Variants in NEBL observed in about 807,000 individuals in gnomAD.
The protein encoded by NEBL is nebulette.
A neutral mutation model predicts 140.2 loss-of-function variants in NEBL; 122 were observed. That is an observed-to-expected ratio of 0.87 (90% CI 0.75 to 1.01). NEBL has a LOEUF of 1.01. Ranked by LOEUF, NEBL falls within the 50% of genes least tolerant of loss-of-function variation. The probability of loss-of-function intolerance (pLI) is 0.00; values close to 1 mark genes in which losing one functional copy is unlikely to be tolerated. For missense variants in NEBL, 1,365 were observed against 1,231.3 expected, an observed-to-expected ratio of 1.11 and a Z score of -1.62; for synonymous variants, 436 against 398.9, an observed-to-expected ratio of 1.09 and a Z score of -1.11.
In NEBL at chr10:21,076,837, A is replaced by C. The variant is rs557071863; in HGVS notation, c.165-56636T>G. Among the ~76,000 whole-genome samples the C allele has an allele frequency of 3.9e-5, 6 of 152,328 alleles. No homozygotes were observed. In the East Asian group the frequency reaches 1.2e-3, roughly 29 times the overall value. On this transcript the variant is annotated intron_variant, in intron 2 of 6. Transcript: ENST00000417816. ...ATTCATAGAGACAGAAACTAGGCAA[A>C]GGACTTGAATGGATATTTCTCCAAA...
chr10:21,282,748 A>T (rs1168567593), intron 1 of NEBL, among the ~76,000 whole-genome samples: 1 of 152,172 alleles, frequency 6.6e-6, no homozygotes, highest in Non-Finnish European at 1.5e-5. Flanking sequence ...CTGCATTCCC[A>T]GACAGTTAAG....
At chr10:21,225,748 T>G (rs534793549) in intron 3 of NEBL, among the ~76,000 whole-genome samples, 1 of 152,144 alleles carries the variant, frequency 6.6e-6, no homozygotes, top group African/African-American at 2.4e-5. Flanking sequence ...TTGTGGTGAA[T>G]GCTGTAAGGC....
intron 2 of NEBL, among the ~76,000 whole-genome samples, chr10:21,044,134 C>T (rs1334191678): frequency 3.9e-5 from 6 of 152,124 alleles, no homozygotes; most frequent in South Asian, 2.1e-4. Context: ...CGATGGCTCA[C>T]GCCTGTAATC....
chr10:21,079,868 C>T (rs1313599604), intron 2 of NEBL, among the ~76,000 whole-genome samples: 1 of 152,162 alleles, frequency 6.6e-6, no homozygotes, highest in Non-Finnish European at 1.5e-5. Flanking sequence ...CCACCTCTGT[C>T]CTACATTGAA....
chr10:21,040,561 C>A (rs569710201), intron 2 of NEBL, among the ~76,000 whole-genome samples: 2 of 152,084 alleles, frequency 1.3e-5, no homozygotes, highest in African/African-American at 4.8e-5. Context: ...ACTAACAGAG[C>A]GAGAACTCAC....
At chr10:20,873,865 G>A (rs1845222118) in intron 5 of NEBL, among the ~76,000 whole-genome samples, 1 of 152,094 alleles carries the variant, frequency 6.6e-6, no homozygotes, top group Non-Finnish European at 1.5e-5. Flanking sequence ...CTTTTCCTAT[G>A]AGAAGGTGGT....
intron 14 of NEBL, among the ~76,000 whole-genome samples, chr10:20,833,896 C>G (rs935476298): frequency 2.0e-5 from 3 of 152,128 alleles, no homozygotes; most frequent in African/African-American, 7.2e-5. Flanking sequence ...ATTTAGACCA[C>G]CACTATGGGG....
Position 21,193,378 on chromosome 10 carries a change from A to T in NEBL, n.349-20901T>A, listed in dbSNP as rs550591095. On this transcript the variant is annotated intron_variant and non_coding_transcript_variant, in intron 3 of 8. Transcript: ENST00000675702. ...AGCCAAAAGCCTGAAATGGTCGGAA[A>T]CCAGCAGGGGTGCAGGAGTGATGAG... Among the ~76,000 whole-genome samples the T allele has an allele frequency of 2.0e-5, 3 of 152,306 alleles. No individual in the cohort carries two copies. In the South Asian group the frequency reaches 6.2e-4, roughly 32 times the overall value.
chr10:21,252,750 G>T (rs779022381), intron 1 of NEBL, among the ~76,000 whole-genome samples: 1 of 152,208 alleles, frequency 6.6e-6, no homozygotes, highest in African/African-American at 2.4e-5. Flanking sequence ...GAGGTCAGGA[G>T]TTCAAGACCA....
chr10:20,923,345 G>A (rs4748736), intron 4 of NEBL, among the ~76,000 whole-genome samples: 112,676 of 151,786 alleles, frequency 0.74, 42,031 homozygotes, highest in Admixed American at 0.83. Context: ...GGGATCATAG[G>A]CATGAAACAC....
At chr10:20,803,698 A>G (rs905168961) in intron 26 of NEBL, among the ~76,000 whole-genome samples, 1 of 151,720 alleles carries the variant, frequency 6.6e-6, no homozygotes, top group Non-Finnish European at 1.5e-5. Flanking sequence ...TCCACTTTTT[A>G]TAGAGTCAAT....
intron 2 of NEBL, among the ~76,000 whole-genome samples, chr10:21,055,559 A>G (rs1834981604): frequency 6.6e-6 from 1 of 152,110 alleles, no homozygotes; most frequent in South Asian, 2.1e-4. Flanking sequence ...TCCTGGCTCT[A>G]TCACCCACCA....
In NEBL at chr10:20,828,651, T is replaced by C; in HGVS notation, c.1672-17A>G. 2.0e-6 allele frequency: 3 copies of C among 1,479,832 alleles called. No homozygotes were observed. The highest frequency in any genetic ancestry group is 2.8e-6 in the Non-Finnish European group (3 of 1,061,590). 91.7% of individuals were successfully genotyped at this position (1,479,832 alleles called of 1,614,324 possible). ...ATACTTTCTCTAAAAACATAAACAG[T>C]TAATATAAATCTGAAACTATGTGTG... On this transcript the variant is annotated splice_polypyrimidine_tract_variant and intron_variant, in intron 16 of 27. Transcript: ENST00000377122.
intron 9 of NEBL, 74 bp downstream of exon 9, chr10:20,858,161 TGAGCA>T: frequency 9.1e-7 from 1 of 1,102,912 alleles, no homozygotes; most frequent in Non-Finnish European, 1.4e-6. Flanking sequence ...AGGAAGCAGG[TGAGCA>T]CATGAACGCT....
At chr10:20,895,664 T>C (rs1176281024) in intron 2 of NEBL, among the ~76,000 whole-genome samples, 3 of 152,212 alleles carry the variant, frequency 2.0e-5, no homozygotes, top group African/African-American at 4.8e-5. Context: ...TATTAAGTAA[T>C]AGCACAAAGA....
chr10:21,285,160 G>A (rs1286986919), intron 1 of NEBL, among the ~76,000 whole-genome samples: 8 of 152,136 alleles, frequency 5.3e-5, no homozygotes, highest in Admixed American at 4.6e-4. Context: ...TCTGTTTTTC[G>A]AAGGACAGAT....
chr10:21,120,419 T>TATATATATATATAA (rs1838504038), intron 2 of NEBL, among the ~76,000 whole-genome samples: 1 of 130,038 alleles, frequency 7.7e-6, no homozygotes, highest in African/African-American at 3.1e-5. Flanking sequence ...TATATATATA[T>TATATATATATATAA]ATATAAATTT....
intron 2 of NEBL, among the ~76,000 whole-genome samples, chr10:21,153,619 C>T (rs985046912): frequency 1.3e-5 from 2 of 152,094 alleles, no homozygotes; most frequent in Non-Finnish European, 2.9e-5. Context: ...ACCTCCACCC[C>T]GAGGGTTCAA....
intron 4 of NEBL, among the ~76,000 whole-genome samples, chr10:20,921,408 T>C (rs1022900282): frequency 6.6e-6 from 1 of 152,138 alleles, no homozygotes; most frequent in African/African-American, 2.4e-5. Context: ...GTTTGGCCAA[T>C]GGAGGCAGGA....
Sources: gnomAD v4.1 joint callset for allele counts (sites outside exome capture counted in the v4.1 genomes callset) on GRCh38, gnomAD v4.1.1 for gene constraint, MANE v1.5 for transcripts, NCBI Gene and HGNC (gene_info 2026-07-23, HGNC 2026-07-21) for gene names.